Variants in TUBD1 observed in about 807,000 individuals in gnomAD.
TUBD1 encodes the protein tubulin delta 1.
A neutral mutation model predicts 51.2 loss-of-function variants in TUBD1; 38 were observed. The observed-to-expected ratio is 0.74, with a 90% CI of 0.57 to 0.97. The LOEUF (loss-of-function observed/expected upper bound fraction) is 0.97. Ranked by LOEUF, TUBD1 falls within the 50% of genes least tolerant of loss-of-function variation. TUBD1 has a pLI of 0.00. For missense variants in TUBD1, 489 were observed against 538.4 expected (o/e 0.91, Z 0.91); for synonymous variants, 169 against 178.2 (o/e 0.95, Z 0.41).
chr17:59,888,594 TAAATGTAGCA>T (rs2040840673), intron 2 of TUBD1, among the ~76,000 whole-genome samples: 1 of 152,114 alleles, frequency 6.6e-6, no homozygotes. Context: ...ACAGGTGTAA[TAAATGTAGCA>T]AACTATGACA....
chr17:59,865,490 G>T (rs1306240240), intron 7 of TUBD1, among the ~76,000 whole-genome samples: 1 of 152,204 alleles, frequency 6.6e-6, no homozygotes, highest in East Asian at 1.9e-4. Flanking sequence ...TGAGGCAGGA[G>T]AATCACTTGA....
intron 6 of TUBD1, among the ~76,000 whole-genome samples, chr17:59,870,682 C>T (rs963106226): frequency 3.9e-5 from 6 of 152,142 alleles, no homozygotes; most frequent in Admixed American, 2.0e-4. Context: ...GGCAGCCAGG[C>T]TTATCATGCC....
chr17:59,861,708 C>T (rs1297927806), intron 8 of TUBD1, among the ~76,000 whole-genome samples: 2 of 151,730 alleles, frequency 1.3e-5, no homozygotes, highest in East Asian at 3.9e-4. Context: ...TGCACTGTTG[C>T]CTGGGCTGGA....
At chr17:59,885,793 G>C (rs1276722993) in intron 3 of TUBD1, among the ~76,000 whole-genome samples, 5 of 152,156 alleles carry the variant, frequency 3.3e-5, no homozygotes, top group African/African-American at 4.8e-5. Flanking sequence ...CTCTATCATT[G>C]AGATATCTGC....
Position 59,859,836 on chromosome 17 carries a change from A to T in TUBD1, c.*486T>A, listed in dbSNP as rs1432065819. 6.6e-6 allele frequency: 1 copy of T among 152,112 alleles called. No individual in the cohort carries two copies. Among genetic ancestry groups the T allele is most frequent in the African/African-American group, 2.4e-5 (1 of 41,400 alleles). The allele number at this position is 152,112 out of a possible 1,614,324, so 9.4% of individuals were successfully genotyped here. A position where few individuals can be genotyped will look rare whatever the true frequency, so the allele number is the denominator to read the frequency against. ...ACATTTCAGCAAAGTGTTTCCCCAAAGTTCTTTATAAAAGCACCATTTTTT... is the reference window on the plus strand; with the variant it reads ...ACATTTCAGCAAAGTGTTTCCCCAATGTTCTTTATAAAAGCACCATTTTTT... On this transcript the variant is annotated 3_prime_UTR_variant, in exon 9 of 9. Coordinates refer to ENST00000325752, the MANE Select transcript of TUBD1 (RefSeq NM_016261.4).
chr17:59,883,048 C>G (rs779758486), intron 3 of TUBD1, among the ~76,000 whole-genome samples: 4 of 151,836 alleles, frequency 2.6e-5, no homozygotes, highest in Non-Finnish European at 5.9e-5. Context: ...GCCTCCCAAA[C>G]TGCTGGGATC....
chr17:59,880,966 T>C lies in TUBD1; in HGVS notation c.465A>G (p.Thr155=). The change falls in exon 4 of 9, where the codon ACA becomes ACG. Residue 155 remains threonine, a synonymous_variant. Coordinates refer to ENST00000325752, the MANE Select transcript of TUBD1 (RefSeq NM_016261.4). The stretch of plus-strand genomic sequence containing the variant: ...TTGAGTACTGATCTTCTAAATTCTG[T>C]GTAACGAAAGCTCCTAATCCTGATC... The part of the protein sequence containing the change: ...GTGSGLGAFV[T]QNLEDQYSNS... 1 of 1,614,180 alleles carries C rather than the reference T, an allele frequency of 6.2e-7. No individual in the cohort carries two copies. The highest frequency in any genetic ancestry group is 1.1e-5 in the South Asian group (1 of 91,082).
chr17:59,888,011 T>C (rs548723981), intron 2 of TUBD1, among the ~76,000 whole-genome samples: 84 of 151,970 alleles, frequency 5.5e-4, no homozygotes, highest in African/African-American at 1.9e-3. Context: ...CTCAGCTCAC[T>C]GCAAGCTCCG....
chr17:59,875,649 A>G (rs2040191849), intron 5 of TUBD1, among the ~76,000 whole-genome samples: 1 of 151,700 alleles, frequency 6.6e-6, no homozygotes, highest in African/African-American at 2.4e-5. Flanking sequence ...AATCCCAGCT[A>G]CTTGGGAGGC....
chr17:59,866,768 AG>A lies in TUBD1; in HGVS notation c.935-20del. 1 of 1,581,154 alleles carries A rather than the reference AG, an allele frequency of 6.3e-7. No individual in the cohort carries two copies. The highest frequency in any genetic ancestry group is 8.6e-7 in the Non-Finnish European group (1 of 1,168,896). ...TCAATACCTACCAAAAGAAAAAAAAAGCAAGAGGTTTTATTTTATTTACTTA... is the reference window on the plus strand; with the variant it reads ...TCAATACCTACCAAAAGAAAAAAAAACAAGAGGTTTTATTTTATTTACTTA... On this transcript the variant is annotated intron_variant, in intron 6 of 8. Coordinates refer to ENST00000325752, the MANE Select transcript of TUBD1 (RefSeq NM_016261.4).
chr17:59,888,727 C>CTT (rs11462592), intron 2 of TUBD1, among the ~76,000 whole-genome samples: 3 of 148,074 alleles, frequency 2.0e-5, no homozygotes, highest in African/African-American at 4.9e-5. Context: ...TGTTTTTTGT[C>CTT]TTTTTTTTTT....
chr17:59,889,880 G>C (rs2040914940), intron 2 of TUBD1, among the ~76,000 whole-genome samples: 1 of 148,116 alleles, frequency 6.8e-6, no homozygotes, highest in South Asian at 2.2e-4. Context: ...TGAGGCAGGA[G>C]AATTGCTTGA....
chr17:59,873,394 C>T (rs1259040530), intron 6 of TUBD1, among the ~76,000 whole-genome samples: 1 of 151,888 alleles, frequency 6.6e-6, no homozygotes, highest in African/African-American at 2.4e-5. Flanking sequence ...GGAATACAGG[C>T]CCATGTCACC....
chr17:59,882,080 ACTT>A (rs200822331), intron 3 of TUBD1, among the ~76,000 whole-genome samples: 3 of 116,302 alleles, frequency 2.6e-5, no homozygotes, highest in African/African-American at 3.9e-5. Context: ...CCCATTAGCA[ACTT>A]CTTTTTTTTT....
intron 8 of TUBD1, among the ~76,000 whole-genome samples, chr17:59,861,323 C>T (rs543778252): frequency 2.6e-5 from 4 of 151,842 alleles, no homozygotes; most frequent in African/African-American, 9.7e-5. Flanking sequence ...CTCAGCCTCC[C>T]AAGTAGCGGG....
intron 8 of TUBD1, among the ~76,000 whole-genome samples, chr17:59,861,516 T>C (rs1171794955): frequency 6.6e-6 from 1 of 151,998 alleles, no homozygotes; most frequent in Non-Finnish European, 1.5e-5. Flanking sequence ...GCAAATGTTC[T>C]GAGGCACAAA....
intron 2 of TUBD1, among the ~76,000 whole-genome samples, chr17:59,888,600 T>C (rs1444645871): frequency 1.3e-5 from 2 of 152,086 alleles, no homozygotes; most frequent in Non-Finnish European, 2.9e-5. Flanking sequence ...GTAATAAATG[T>C]AGCAAACTAT....
At chr17:59,874,490 A>C in intron 6 of TUBD1, 49 bp downstream of exon 6, 5 of 1,583,170 alleles carry the variant, frequency 3.2e-6, no homozygotes, top group Non-Finnish European at 4.3e-6. Flanking sequence ...ACTCCAGGAC[A>C]GACATTTTTT....
chr17:59,860,784 A>G (rs1306826998), intron 8 of TUBD1, among the ~76,000 whole-genome samples: 1 of 151,798 alleles, frequency 6.6e-6, no homozygotes, highest in Non-Finnish European at 1.5e-5. Flanking sequence ...ACGGGGTTTC[A>G]CCATAATGGC....
Sources: allele counts gnomAD v4.1 joint callset (sites outside exome capture counted in the v4.1 genomes callset), GRCh38; gene constraint gnomAD v4.1.1; transcripts MANE v1.5; gene names NCBI Gene and HGNC (gene_info 2026-07-23, HGNC 2026-07-21).